IL1RAPL1: variants seen among roughly 807,000 people sequenced by gnomAD.
IL1RAPL1 encodes interleukin-1 receptor accessory protein-like 1.
IL1RAPL1 carries 3 observed loss-of-function variants against 48.4 expected under a neutral mutation model. The observed-to-expected ratio is 0.06, with a 90% CI of 0.03 to 0.16. The LOEUF is 0.16. Among genes scored for constraint, IL1RAPL1 ranks in the 10% least tolerant of loss-of-function variants. The pLI is 1.00. For missense variants in IL1RAPL1, 349 were observed against 530.6 expected, an observed-to-expected ratio of 0.66 and a Z score of 3.36; for synonymous variants, 185 against 187.7, an observed-to-expected ratio of 0.99 and a Z score of 0.12.
chrX:28,768,753 C>CTATATATATATA (rs1190280943), intron 1 of IL1RAPL1, among the ~76,000 whole-genome samples: 6 of 53,566 alleles, frequency 1.1e-4, no homozygotes, highest in East Asian at 6.9e-4. Context: ...CTCTCTCTCT[C>CTATATATATATA]TCTATATATA....
intron 2 of IL1RAPL1, among the ~76,000 whole-genome samples, chrX:28,921,322 T>C (rs1487255431): frequency 8.9e-6 from 1 of 112,186 alleles, no homozygotes; most frequent in Non-Finnish European, 1.9e-5. Flanking sequence ...AACCCAATTT[T>C]CAAAATGTTA....
At chrX:28,903,424 CTT>C (rs199661606) in intron 2 of IL1RAPL1, among the ~76,000 whole-genome samples, 4 of 100,116 alleles carry the variant, frequency 4.0e-5, no homozygotes, top group Non-Finnish European at 4.0e-5. Context: ...TTCTTTCTTT[CTT>C]TTTTTTTTTT....
At chrX:28,742,734 G>A (rs1249221383) in intron 1 of IL1RAPL1, among the ~76,000 whole-genome samples, 3 of 112,028 alleles carry the variant, frequency 2.7e-5, no homozygotes, top group Non-Finnish European at 5.7e-5. Context: ...ATTGTGTTCA[G>A]TTAAATAATT....
chrX:29,387,597 T>C (rs981549319), intron 3 of IL1RAPL1, among the ~76,000 whole-genome samples: 5 of 112,116 alleles, frequency 4.5e-5, no homozygotes, highest in African/African-American at 1.3e-4. Context: ...CATCAGGTGA[T>C]TGTGTGTAGC....
chrX:29,342,112 TTGTGTGTGTGTGTGTG>T (rs753779178), intron 3 of IL1RAPL1, among the ~76,000 whole-genome samples: 5 of 87,682 alleles, frequency 5.7e-5, no homozygotes, highest in South Asian at 6.4e-4. Context: ...CGGCCTTGTT[TTGTGTGTGTGTGTGTG>T]TGTGTGTGTG....
chrX:29,188,585 CTT>C (rs11371992), intron 2 of IL1RAPL1, among the ~76,000 whole-genome samples: 2 of 79,172 alleles, frequency 2.5e-5, no homozygotes, highest in African/African-American at 4.8e-5. Context: ...AAAACATACA[CTT>C]TTTTTTTTTT....
At chrX:29,271,288 A>G (rs188861564) in intron 2 of IL1RAPL1, among the ~76,000 whole-genome samples, 1 of 111,796 alleles carries the variant, frequency 8.9e-6, no homozygotes, top group Admixed American at 9.5e-5. Context: ...GGTTGATTCT[A>G]TGTCTTTGTT....
At chrX:29,390,650 A>G (rs2147681905) in intron 3 of IL1RAPL1, among the ~76,000 whole-genome samples, 1 of 111,903 alleles carries the variant, frequency 8.9e-6, no homozygotes, top group African/African-American at 3.2e-5. Context: ...GATACCAAAC[A>G]CTACACATTA....
At chrX:29,578,756 A>G (rs1389226403) in intron 5 of IL1RAPL1, among the ~76,000 whole-genome samples, 1 of 112,140 alleles carries the variant, frequency 8.9e-6, no homozygotes, top group Non-Finnish European at 1.9e-5. Context: ...ACTATACATC[A>G]AAAAGATGGG....
intron 6 of IL1RAPL1, among the ~76,000 whole-genome samples, chrX:29,670,411 C>A (rs1242743820): frequency 8.9e-6 from 1 of 111,868 alleles, no homozygotes; most frequent in East Asian, 2.8e-4. Context: ...AGCATGAGGT[C>A]TCTTTAACCA....
chrX:29,094,415 T>A (rs1928157879), intron 2 of IL1RAPL1, among the ~76,000 whole-genome samples: 1 of 110,353 alleles, frequency 9.1e-6, no homozygotes, highest in Non-Finnish European at 1.9e-5. Flanking sequence ...TCGTAGTTGA[T>A]AACATATTGG....
intron 2 of IL1RAPL1, among the ~76,000 whole-genome samples, chrX:28,903,920 A>G (rs1436187072): frequency 1.8e-5 from 2 of 110,095 alleles, no homozygotes; most frequent in African/African-American, 6.6e-5. Context: ...ACATGTGTAT[A>G]TATGTATCTG....
chrX:29,839,139 G>GA (rs1931079348), intron 6 of IL1RAPL1, among the ~76,000 whole-genome samples: 1 of 112,173 alleles, frequency 8.9e-6, no homozygotes, highest in Non-Finnish European at 1.9e-5. Context: ...TAAAACCCAT[G>GA]AAAAAATCGG....
At chrX:28,676,824 A>G (rs1386181242) in intron 1 of IL1RAPL1, among the ~76,000 whole-genome samples, 5 of 110,034 alleles carry the variant, frequency 4.5e-5, no homozygotes, top group Non-Finnish European at 7.6e-5. Flanking sequence ...TTTTACTAGC[A>G]TTTTCTAGGT....
At chrX:29,342,112 T>TTGTG (rs753779178) in intron 3 of IL1RAPL1, among the ~76,000 whole-genome samples, 2,378 of 87,609 alleles carry the variant, frequency 0.027, 38 homozygotes, top group Middle Eastern at 0.05. Context: ...CGGCCTTGTT[T>TTGTG]TGTGTGTGTG....
chrX:28,754,215 T>C (rs1936081536), intron 1 of IL1RAPL1, among the ~76,000 whole-genome samples: 1 of 111,699 alleles, frequency 9.0e-6, no homozygotes, highest in Non-Finnish European at 1.9e-5. Flanking sequence ...CTCTTCTTGC[T>C]CCAATTCTTA....
At position 28,958,546 on chromosome X, in the gene IL1RAPL1, G is replaced by C. The variant is rs151211145; in HGVS notation, c.82+169121G>C. Among the ~76,000 whole-genome samples the C allele has an allele frequency of 6.5e-4, 73 of 111,941 alleles. No homozygotes were observed. In the Middle Eastern group the frequency reaches 0.014, roughly 21 times the overall value. On this transcript the variant is annotated intron_variant, in intron 2 of 10. Coordinates refer to ENST00000378993, the MANE Select transcript of IL1RAPL1 (RefSeq NM_014271.4). ...TGTGATAGGCTTTAGACATTAAGAAGAGGAAGTGATAAGTAGTAGAAGAGG... is the reference window on the plus strand; with the variant it reads ...TGTGATAGGCTTTAGACATTAAGAACAGGAAGTGATAAGTAGTAGAAGAGG...
intron 1 of IL1RAPL1, among the ~76,000 whole-genome samples, chrX:28,775,523 A>G (rs960285193): frequency 3.6e-5 from 4 of 112,397 alleles, no homozygotes; most frequent in Non-Finnish European, 7.5e-5. Context: ...CTGCAGAGCC[A>G]CTCTTTCCAA....
intron 2 of IL1RAPL1, among the ~76,000 whole-genome samples, chrX:29,233,194 G>A (rs911073071): frequency 9.0e-6 from 1 of 111,135 alleles, no homozygotes; most frequent in Non-Finnish European, 1.9e-5. Flanking sequence ...TCCTTCCCCT[G>A]TACTCAAGCT....
Sources: allele counts gnomAD v4.1 joint callset (sites outside exome capture counted in the v4.1 genomes callset), GRCh38; gene constraint gnomAD v4.1.1; transcripts MANE v1.5; gene names NCBI Gene and HGNC (gene_info 2026-07-23, HGNC 2026-07-21).